The following ATOSA variants were observed in gnomAD, a reference collection of about 807,000 sequenced individuals.
The protein encoded by ATOSA is atos homolog protein A.
chr15:52,593,763 T>C, the ATOSA span: 1 of 1,519,074 alleles, frequency 6.6e-7, no homozygotes, highest in Non-Finnish European at 8.8e-7. Context: ...TTTTAAAAAC[T>C]CAATTAAAAA....
the ATOSA span, chr15:52,601,135 A>C: frequency 1.3e-6 from 2 of 1,544,622 alleles, no homozygotes; most frequent in African/African-American, 2.8e-5. Context: ...TCCAGATCAA[A>C]GCAACCTGAT....
At chr15:52,656,218 T>C in the ATOSA span, 2 of 152,106 alleles carry the variant, frequency 1.3e-5, no homozygotes, top group Admixed American at 6.6e-5. Context: ...ATAGTTAAAA[T>C]ATAACATTAT....
chr15:52,589,401 G>T, the ATOSA span, among the ~76,000 whole-genome samples: 1 of 152,106 alleles, frequency 6.6e-6, no homozygotes, highest in Admixed American at 6.5e-5. Context: ...ATATATTACC[G>T]TTCTTCCTTG....
chr15:52,644,316 C>T, the ATOSA span, among the ~76,000 whole-genome samples: 54 of 152,256 alleles, frequency 3.5e-4, no homozygotes, highest in African/African-American at 1.2e-3. Flanking sequence ...GGGTAAGAAA[C>T]AATCAGATGA....
the ATOSA span, among the ~76,000 whole-genome samples, chr15:52,616,571 T>C: frequency 6.6e-6 from 1 of 152,092 alleles, no homozygotes; most frequent in East Asian, 1.9e-4. Context: ...CTGTCTTTAT[T>C]TACATGTATA....
the ATOSA span, chr15:52,587,601 TCA>T: frequency 6.5e-6 from 1 of 154,330 alleles, no homozygotes; most frequent in African/African-American, 2.4e-5. Flanking sequence ...ATGTAAAAAG[TCA>T]CAAGTGTAGG....
chr15:52,658,798 CTACA>C, the ATOSA span: 1 of 102,630 alleles, frequency 9.7e-6, no homozygotes, highest in Non-Finnish European at 1.5e-5. Flanking sequence ...GACCTCGTTT[CTACA>C]AAAAAAAAAA....
At chr15:52,595,538 T>C in the ATOSA span, among the ~76,000 whole-genome samples, 1 of 146,796 alleles carries the variant, frequency 6.8e-6, no homozygotes, top group Non-Finnish European at 1.5e-5. Flanking sequence ...CAGTGCAGTA[T>C]GACAAGAAAA....
the ATOSA span, among the ~76,000 whole-genome samples, chr15:52,596,453 C>T: frequency 6.6e-6 from 1 of 152,166 alleles, no homozygotes; most frequent in Non-Finnish European, 1.5e-5. Context: ...AAAAGGGAAC[C>T]TTGATCGCAC....
chr15:52,695,351 C>T, the ATOSA span, among the ~76,000 whole-genome samples: 1 of 152,236 alleles, frequency 6.6e-6, no homozygotes, highest in South Asian at 2.1e-4. Flanking sequence ...CTAGCATAAA[C>T]CATCCTTTCC....
At chr15:52,635,418 T>TCAC in the ATOSA span, among the ~76,000 whole-genome samples, 3 of 152,086 alleles carry the variant, frequency 2.0e-5, no homozygotes, top group African/African-American at 7.2e-5. Flanking sequence ...TTACACAAGG[T>TCAC]GCAGTGGCTC....
the ATOSA span, among the ~76,000 whole-genome samples, chr15:52,584,090 GAAA>G: frequency 7.6e-4 from 32 of 41,890 alleles, no homozygotes; most frequent in African/African-American, 2.1e-3. Context: ...GTCTCAAGAA[GAAA>G]AAAAAAAAAA....
At chr15:52,603,154 T>A in the ATOSA span, among the ~76,000 whole-genome samples, 541 of 152,188 alleles carry the variant, frequency 3.6e-3, 4 homozygotes, top group African/African-American at 0.013. Context: ...GTTTTTATTT[T>A]AAAATGGACA....
chr15:52,613,564 T>A, the ATOSA span: 1 of 1,263,908 alleles, frequency 7.9e-7, no homozygotes, highest in Non-Finnish European at 1.1e-6. Context: ...ATGATTATGA[T>A]CAATTTTACA....
At chr15:52,683,522 T>A in the ATOSA span, among the ~76,000 whole-genome samples, 1 of 152,220 alleles carries the variant, frequency 6.6e-6, no homozygotes, top group Non-Finnish European at 1.5e-5. Context: ...TGATGTGTTA[T>A]ATGCACACCC....
the ATOSA span, among the ~76,000 whole-genome samples, chr15:52,623,745 T>C: frequency 6.6e-6 from 1 of 152,176 alleles, no homozygotes; most frequent in Non-Finnish European, 1.5e-5. Flanking sequence ...TGATGGAAGA[T>C]AAGACAAATG....
chr15:52,594,720 C>T, the ATOSA span, among the ~76,000 whole-genome samples: 1 of 152,180 alleles, frequency 6.6e-6, no homozygotes, highest in Non-Finnish European at 1.5e-5. Context: ...ATTTCCATCC[C>T]CACTACTACC....
the ATOSA span, chr15:52,629,703 G>A: frequency 3.6e-4 from 124 of 347,072 alleles, no homozygotes; most frequent in Non-Finnish European, 6.6e-5. Flanking sequence ...TCGAGAGGCT[G>A]AGGCAGCAGA....
At chr15:52,655,836 G>A in the ATOSA span, among the ~76,000 whole-genome samples, 1 of 152,048 alleles carries the variant, frequency 6.6e-6, no homozygotes, top group African/African-American at 2.4e-5. Flanking sequence ...TCCACTTATA[G>A]GATGTGTTAC....
Sources: gnomAD v4.1 joint callset for allele counts (sites outside exome capture counted in the v4.1 genomes callset) on GRCh38, gnomAD v4.1.1 for gene constraint, MANE v1.5 for transcripts, NCBI Gene and HGNC (gene_info 2026-07-23, HGNC 2026-07-21) for gene names.